The following RASGRF2 variants were observed in gnomAD, a reference collection of about 807,000 sequenced individuals.
RASGRF2 encodes the protein ras-specific guanine nucleotide-releasing factor 2.
In RASGRF2, 76 loss-of-function variants were observed where a neutral mutation model predicts 151.0. The ratio of observed to expected loss-of-function variants is 0.50; its 90% CI spans 0.42 to 0.61. The LOEUF (loss-of-function observed/expected upper bound fraction) is 0.61, where lower values mean the gene tolerates loss of function less well. RASGRF2 is among the 20% of genes least tolerant of loss of function. RASGRF2 has a pLI of 0.00. For missense variants in RASGRF2, 1,148 were observed against 1,564.6 expected (o/e 0.73, Z 4.49); for synonymous variants, 504 against 566.5 (o/e 0.89, Z 1.57).
intron 1 of RASGRF2, among the ~76,000 whole-genome samples, chr5:80,997,020 A>T (rs1748905606): frequency 6.6e-6 from 1 of 152,218 alleles, no homozygotes; most frequent in South Asian, 2.1e-4. Flanking sequence ...CTTATTTGGC[A>T]ATTAACTGAG....
rs1038112743 is a variant in RASGRF2, at chr5:81,201,568, T to C, written c.2906+126T>C. Reference sequence around the variant, plus strand: ...GGACTATGTTCTCAGCAGTAAAGTGTTATGTATTATCTTCTCTTTCCTGGG... The same window carrying C: ...GGACTATGTTCTCAGCAGTAAAGTGCTATGTATTATCTTCTCTTTCCTGGG... On this transcript the variant is annotated intron_variant, in intron 19 of 26. Transcript: ENST00000265080. 2.8e-6 allele frequency: 3 copies of C among 1,057,796 alleles called. No homozygotes were observed. In the African/African-American group the frequency reaches 4.8e-5, roughly 17 times the overall value. 65.5% of individuals were successfully genotyped at this position (1,057,796 alleles called of 1,614,324 possible). A position where few individuals can be genotyped will look rare whatever the true frequency, so the allele number is the denominator to read the frequency against.
intron 20 of RASGRF2, 44 bp downstream of exon 20, chr5:81,206,949 T>C (rs1755521843): frequency 6.9e-7 from 1 of 1,456,370 alleles, no homozygotes; most frequent in African/African-American, 1.4e-5. Context: ...ATGTGCAAAC[T>C]ACCTCTCCAA....
chr5:80,990,333 G>A (rs1748610452), intron 1 of RASGRF2, among the ~76,000 whole-genome samples: 1 of 152,134 alleles, frequency 6.6e-6, no homozygotes, highest in South Asian at 2.1e-4. Context: ...GTAGGAGGTA[G>A]GTGAGCTTCC....
intron 1 of RASGRF2, among the ~76,000 whole-genome samples, chr5:80,994,754 A>G (rs1561543397): frequency 6.6e-6 from 1 of 152,226 alleles, no homozygotes; most frequent in Non-Finnish European, 1.5e-5. Flanking sequence ...GAAATCAAGC[A>G]TGGGTATGTA....
At chr5:81,036,384 A>G (rs1750493865) in intron 1 of RASGRF2, among the ~76,000 whole-genome samples, 2 of 152,120 alleles carry the variant, frequency 1.3e-5, no homozygotes, top group Admixed American at 1.3e-4. Flanking sequence ...TTTGATTAAC[A>G]CTATGATGGA....
chr5:81,221,086 C>G (rs1366347664), intron 26 of RASGRF2, among the ~76,000 whole-genome samples: 1 of 152,190 alleles, frequency 6.6e-6, no homozygotes, highest in Non-Finnish European at 1.5e-5. Flanking sequence ...TTCATCACAT[C>G]ATATCAGGGG....
intron 1 of RASGRF2, among the ~76,000 whole-genome samples, chr5:80,973,397 C>A (rs1748003903): frequency 6.6e-6 from 1 of 152,228 alleles, no homozygotes; most frequent in Non-Finnish European, 1.5e-5. Flanking sequence ...TGGGTTGTTG[C>A]TCTTCCTGCG....
intron 18 of RASGRF2, among the ~76,000 whole-genome samples, chr5:81,184,212 G>A (rs1481871373): frequency 6.6e-6 from 1 of 152,198 alleles, no homozygotes; most frequent in Admixed American, 6.5e-5. Context: ...TCTAAGTAAA[G>A]GAAGTGTTTT....
chr5:81,108,939 T>A, intron 12 of RASGRF2, 57 bp from the exon 13 acceptor site: 2 of 1,559,302 alleles, frequency 1.3e-6, no homozygotes, highest in Non-Finnish European at 1.7e-6. Flanking sequence ...ATTGTGGGAA[T>A]ATATGATCTG....
In RASGRF2 at chr5:81,080,723, G is replaced by A. The variant is rs1381921643; in HGVS notation, c.1095G>A (p.Gln365=). The A allele has an allele frequency of 1.9e-6, 3 of 1,614,096 alleles. No individual in the cohort carries two copies. The highest frequency in any genetic ancestry group is 2.5e-6 in the Non-Finnish European group (3 of 1,180,046). Residue 365 remains glutamine (Q), a synonymous_variant, in exon 7 of 27, where the codon CAG becomes CAA. Coordinates refer to ENST00000265080, the MANE Select transcript of RASGRF2 (RefSeq NM_006909.3). ...GAGATTTTGACAAACTCTTAAAACA[G>A]TATGAAGCCAATCCAGCCTGTGAGG... ...QNRDFDKLLK[Q]YEANPACEGR... is the part of the protein sequence containing the mutation.
At chr5:80,985,829 C>A (rs748657949) in intron 1 of RASGRF2, among the ~76,000 whole-genome samples, 1 of 151,974 alleles carries the variant, frequency 6.6e-6, no homozygotes, top group Non-Finnish European at 1.5e-5. Flanking sequence ...ACTAAGGCCA[C>A]CAAAAGGAGT....
At chr5:80,969,597 C>A (rs1358216135) in intron 1 of RASGRF2, among the ~76,000 whole-genome samples, 1 of 150,952 alleles carries the variant, frequency 6.6e-6, no homozygotes, top group East Asian at 2.0e-4. Context: ...TACAGGCACC[C>A]GCCACCACGC....
chr5:80,977,840 G>A (rs1169940120), intron 1 of RASGRF2, among the ~76,000 whole-genome samples: 1 of 152,190 alleles, frequency 6.6e-6, no homozygotes, highest in Non-Finnish European at 1.5e-5. Flanking sequence ...TGAAAGTTTG[G>A]ATGCTACAGA....
intron 22 of RASGRF2, among the ~76,000 whole-genome samples, chr5:81,208,992 C>T (rs570255759): frequency 3.1e-4 from 47 of 152,282 alleles, no homozygotes; most frequent in African/African-American, 1.1e-3. Context: ...CAATAATGTA[C>T]AGGTTGCTGA....
At chr5:80,977,210 G>A (rs186304975) in intron 1 of RASGRF2, among the ~76,000 whole-genome samples, 39 of 152,164 alleles carry the variant, frequency 2.6e-4, no homozygotes, top group African/African-American at 8.9e-4. Context: ...GTTATAGCAC[G>A]GAAGGAGCCA....
chr5:81,063,227 T>A (rs969982852), intron 2 of RASGRF2, among the ~76,000 whole-genome samples: 1 of 152,174 alleles, frequency 6.6e-6, no homozygotes, highest in Admixed American at 6.5e-5. Context: ...CTATGCTCAG[T>A]TCAGGGAAAG....
At chr5:81,100,741 T>C (rs1007512351) in intron 12 of RASGRF2, among the ~76,000 whole-genome samples, 3 of 152,220 alleles carry the variant, frequency 2.0e-5, no homozygotes, top group Non-Finnish European at 4.4e-5. Flanking sequence ...TCCCAAAATA[T>C]AGACCTGTGT....
At chr5:81,103,539 C>T (rs1752760786) in intron 12 of RASGRF2, among the ~76,000 whole-genome samples, 1 of 151,896 alleles carries the variant, frequency 6.6e-6, no homozygotes, top group Admixed American at 6.6e-5. Context: ...ATGCAGTCTC[C>T]AGAGAGAAAA....
At chr5:81,012,456 A>G (rs1420246480) in intron 1 of RASGRF2, among the ~76,000 whole-genome samples, 1 of 152,138 alleles carries the variant, frequency 6.6e-6, no homozygotes, top group African/African-American at 2.4e-5. Context: ...AGACATTTAC[A>G]TCCAGCAGAT....
Sources: gnomAD v4.1 joint callset for allele counts (sites outside exome capture counted in the v4.1 genomes callset) on GRCh38, gnomAD v4.1.1 for gene constraint, MANE v1.5 for transcripts, NCBI Gene and HGNC (gene_info 2026-07-23, HGNC 2026-07-21) for gene names.